Variants in SAG observed in about 807,000 individuals in gnomAD.
SAG encodes the protein S-arrestin.
A neutral mutation model predicts 55.0 loss-of-function variants in SAG; 45 were observed. The ratio of observed to expected loss-of-function variants is 0.82; its 90% CI spans 0.64 to 1.05. The LOEUF (loss-of-function observed/expected upper bound fraction) is 1.05, where lower values mean the gene tolerates loss of function less well. Among genes scored for constraint, SAG ranks in the 50% least tolerant of loss-of-function variants. The pLI, the probability that SAG is intolerant of heterozygous loss-of-function variation, is 0.00. For synonymous variants in SAG, 189 were observed against 197.4 expected (o/e 0.96, Z 0.36); for missense variants, 455 against 512.1 (o/e 0.89, Z 1.08).
chr2:233,315,902 T>C (rs1352899578), intron 2 of SAG, among the ~76,000 whole-genome samples, 173 bp from the exon 3 acceptor site: 2 of 151,492 alleles, frequency 1.3e-5, no homozygotes, highest in African/African-American at 4.9e-5. Flanking sequence ...AGACAGGGTT[T>C]CACCATATTG....
At chr2:233,333,313 A>G (rs1454938892) in intron 10 of SAG, 1 of 152,198 alleles carries the variant, frequency 6.6e-6, no homozygotes, top group Non-Finnish European at 1.5e-5. Context: ...TCATGTGCTC[A>G]GCAACATGGG....
In SAG at chr2:233,335,081, A is replaced by C; in HGVS notation, c.926A>C (p.Asn309Thr). Residue 309 changes from asparagine to threonine, a missense_variant, in exon 11 of 16, where the codon AAC becomes ACC. Physicochemically the swap from Asn to Thr is moderately conservative, Grantham distance 65. Coordinates refer to ENST00000409110, the MANE Select transcript of SAG (RefSeq NM_000541.5). ...GGGAAAATCAAGCACGAGGACACAA[A>C]CCTTGCCTCCAGCACCATGTGAGTC... is the stretch of plus-strand genomic sequence containing the variant. The part of the protein sequence containing the change: ...LDGKIKHEDT[N>T]LASSTIIKEG... The C allele has an allele frequency of 6.2e-7, 1 of 1,613,700 alleles. No individual in the cohort carries two copies. The highest frequency in any genetic ancestry group is 8.5e-7 in the Non-Finnish European group (1 of 1,179,706).
At chr2:233,344,337 A>C (rs1416168058) in intron 14 of SAG, 20 of 152,142 alleles carry the variant, frequency 1.3e-4, no homozygotes, top group Admixed American at 1.3e-3. Context: ...CGCCTGGCTA[A>C]TTTTTGTATT....
At position 233,331,626 on chromosome 2, in the gene SAG, TCTTCCC is replaced by T; in HGVS notation, c.734-10_734-5del. 6.2e-7 allele frequency: 1 copy of T among 1,604,342 alleles called. No homozygotes were observed. Among genetic ancestry groups the T allele is most frequent in the Non-Finnish European group, 8.5e-7 (1 of 1,171,292 alleles). On this transcript the variant is annotated splice_region_variant and splice_polypyrimidine_tract_variant and intron_variant, in intron 9 of 15. Coordinates refer to ENST00000409110, the MANE Select transcript of SAG (RefSeq NM_000541.5). The stretch of plus-strand genomic sequence containing the variant: ...ACCAGTGCTGACCACCGGACTCCCG[TCTTCCC>T]CTTGCAGTGGAACAGGTGGCCAATG...
At chr2:233,335,246 C>A in intron 11 of SAG, 147 bp downstream of exon 11, 1 of 1,095,314 alleles carries the variant, frequency 9.1e-7, no homozygotes, top group Non-Finnish European at 1.3e-6. Context: ...ATCTACGGGC[C>A]CACACAAGGA....
At position 233,338,737 on chromosome 2, in the gene SAG, A is replaced by C; in HGVS notation, c.1006A>C (p.Lys336Gln). ...GILVSYQIKV[K>Q]LTVSGFLGEL... ...CCTGGTGTCTTACCAGATCAAGGTG[A>C]AGCTCACAGTGTCAGGGTAAGTGTC... The change falls in exon 12 of 16, where the codon AAG (lysine) becomes CAG (glutamine). Residue 336 changes from lysine (K) to glutamine (Q), a missense_variant. Transcript: ENST00000409110. 6.2e-6 allele frequency: 10 copies of C among 1,613,970 alleles called. No homozygotes were observed. The highest frequency in any genetic ancestry group is 7.6e-6 in the Non-Finnish European group (9 of 1,179,864).
intron 6 of SAG, among the ~76,000 whole-genome samples, chr2:233,325,531 A>G (rs992570012): frequency 2.6e-5 from 4 of 152,032 alleles, no homozygotes; most frequent in African/African-American, 4.8e-5. Context: ...GTCCAGGACA[A>G]TGGGGTGGGG....
At chr2:233,311,735 C>T (rs755056034) in intron 2 of SAG, among the ~76,000 whole-genome samples, 1 of 152,138 alleles carries the variant, frequency 6.6e-6, no homozygotes, top group Non-Finnish European at 1.5e-5. Flanking sequence ...CCTCTTACAC[C>T]CTGGGTTTCA....
intron 11 of SAG, among the ~76,000 whole-genome samples, chr2:233,336,144 C>T (rs1444957085): frequency 6.6e-6 from 1 of 152,148 alleles, no homozygotes; most frequent in South Asian, 2.1e-4. Flanking sequence ...TATTCAAGGG[C>T]GTAGGGATCG....
chr2:233,311,900 T>A (rs1700084694), intron 2 of SAG, among the ~76,000 whole-genome samples: 1 of 152,098 alleles, frequency 6.6e-6, no homozygotes, highest in Non-Finnish European at 1.5e-5. Context: ...CCAAGGCAGG[T>A]GGATCACCTG....
chr2:233,337,834 T>C (rs917018221), intron 11 of SAG, among the ~76,000 whole-genome samples: 2 of 152,228 alleles, frequency 1.3e-5, no homozygotes, highest in Admixed American at 1.3e-4. Context: ...TTCCTGTTAT[T>C]GGACATCCTG....
At chr2:233,338,149 G>A (rs574787696) in intron 11 of SAG, among the ~76,000 whole-genome samples, 1 of 152,344 alleles carries the variant, frequency 6.6e-6, no homozygotes, top group East Asian at 1.9e-4. Context: ...GCAGGGTTGT[G>A]TTGGCAAGAC....
At chr2:233,325,764 A>C (rs1358347929) in intron 6 of SAG, among the ~76,000 whole-genome samples, 1 of 152,198 alleles carries the variant, frequency 6.6e-6, no homozygotes, top group African/African-American at 2.4e-5. Flanking sequence ...GCACAGCTGC[A>C]GGGCTTCAGG....
At chr2:233,311,963 T>C (rs1465248120) in intron 2 of SAG, among the ~76,000 whole-genome samples, 2 of 152,032 alleles carry the variant, frequency 1.3e-5, no homozygotes, top group Non-Finnish European at 2.9e-5. Context: ...CTGTCTCTAC[T>C]AAAAATACAA....
Position 233,320,556 on chromosome 2 carries a change from G to A in SAG, c.182-74G>A, listed in dbSNP as rs577563727. Reference sequence around the variant, plus strand: ...TGCTAAAGGTTGAAAACCCGTGTTCGCTGCCCATTCCGTCAGTGGTGGTGG... The same window carrying A: ...TGCTAAAGGTTGAAAACCCGTGTTCACTGCCCATTCCGTCAGTGGTGGTGG... On this transcript the variant is annotated intron_variant, in intron 4 of 15. Coordinates refer to ENST00000409110, the MANE Select transcript of SAG (RefSeq NM_000541.5). The A allele has an allele frequency of 2.2e-4, 266 of 1,210,456 alleles. 1 individual carries two copies. Among genetic ancestry groups the A allele is most frequent in the Admixed American group, 6.5e-4 (23 of 35,538 alleles). The allele number at this position is 1,210,456 out of a possible 1,614,324, so 75.0% of individuals were successfully genotyped here.
intron 14 of SAG, chr2:233,346,054 G>T (rs6431327): frequency 0.011 from 1,687 of 156,756 alleles, 27 homozygotes; most frequent in African/African-American, 0.038. Context: ...TTGGGAGCCT[G>T]AGACACGAGA....
intron 10 of SAG, chr2:233,332,153 T>C (rs1157093110): frequency 4.9e-6 from 1 of 203,802 alleles, no homozygotes; most frequent in Admixed American, 5.7e-5. Flanking sequence ...TTAGAATATA[T>C]CTGTTCTTAG....
intron 9 of SAG, among the ~76,000 whole-genome samples, chr2:233,330,299 C>G (rs1369392856): frequency 6.6e-6 from 1 of 152,088 alleles, no homozygotes; most frequent in African/African-American, 2.4e-5. Context: ...GGTGACTGTC[C>G]CAGGGCCCAG....
intron 2 of SAG, 84 bp downstream of exon 2, chr2:233,309,348 C>A: frequency 7.9e-7 from 1 of 1,263,350 alleles, no homozygotes; most frequent in Non-Finnish European, 1.1e-6. Context: ...TAGTCATGAT[C>A]AACATCAAAA....
Sources: gnomAD v4.1 joint callset for allele counts (sites outside exome capture counted in the v4.1 genomes callset) on GRCh38, gnomAD v4.1.1 for gene constraint, MANE v1.5 for transcripts, NCBI Gene and HGNC (gene_info 2026-07-23, HGNC 2026-07-21) for gene names.